Variants in VWC2L observed in about 807,000 individuals in gnomAD.
The protein encoded by VWC2L is von Willebrand factor C domain containing 2 like, also known as von Willebrand factor C domain-containing protein 2-like.
Under a neutral mutation model 21.6 loss-of-function variants are expected in VWC2L, and 10 were observed. The ratio of observed to expected loss-of-function variants is 0.46; its 90% CI spans 0.29 to 0.78. VWC2L has a LOEUF of 0.78. Ranked by LOEUF, VWC2L falls within the 30% of genes least tolerant of loss-of-function variation. The pLI, the probability that VWC2L is intolerant of heterozygous loss-of-function variation, is 0.10. For synonymous variants in VWC2L, 96 were observed against 94.3 expected (o/e 1.02, Z -0.10); for missense variants, 209 against 277.1 (o/e 0.75, Z 1.74).
rs144074733 is a variant in VWC2L, at chr2:214,565,001, C to T, written c.521-10671C>T. ...ACAAATATGCACCAAAGTTTGTCTACATTTGTTTTACTAAAATAGGATCCT... is the reference window on the plus strand; with the variant it reads ...ACAAATATGCACCAAAGTTTGTCTATATTTGTTTTACTAAAATAGGATCCT... On this transcript the variant is annotated intron_variant, in intron 3 of 3. Transcript: ENST00000312504. 3.7e-4 allele frequency among the ~76,000 whole-genome samples: 56 copies of T among 152,220 alleles called. 2 individuals carry two copies. The East Asian group carries it at 9.1e-3, about 25-fold the overall frequency.
intron 3 of VWC2L, among the ~76,000 whole-genome samples, chr2:214,483,663 A>T (rs1467795887): frequency 6.6e-6 from 1 of 152,180 alleles, no homozygotes; most frequent in African/African-American, 2.4e-5. Flanking sequence ...GCTAATTAGA[A>T]CAAAAATAAC....
chr2:214,573,834 G>T (rs948039652), intron 3 of VWC2L, among the ~76,000 whole-genome samples: 2 of 152,140 alleles, frequency 1.3e-5, no homozygotes, highest in Admixed American at 6.5e-5. Context: ...ATGGCCAGTG[G>T]CTTAGAATCA....
intron 3 of VWC2L, among the ~76,000 whole-genome samples, chr2:214,570,014 A>G (rs905966840): frequency 6.6e-6 from 1 of 152,188 alleles, no homozygotes; most frequent in Non-Finnish European, 1.5e-5. Context: ...AATACCACAA[A>G]TATGACAGAG....
chr2:214,517,152 T>A (rs771085123), intron 3 of VWC2L, among the ~76,000 whole-genome samples: 15 of 152,252 alleles, frequency 9.9e-5, no homozygotes, highest in Non-Finnish European at 1.9e-4. Context: ...TTTGCTCTCA[T>A]CTTCTGTGTC....
intron 3 of VWC2L, among the ~76,000 whole-genome samples, chr2:214,544,169 A>T (rs372449473): frequency 6.6e-6 from 1 of 152,176 alleles, no homozygotes; most frequent in Non-Finnish European, 1.5e-5. Context: ...TGTGTTTGTG[A>T]AAAGGGGAAA....
intron 3 of VWC2L, among the ~76,000 whole-genome samples, chr2:214,461,478 T>A (rs932250762): frequency 6.6e-6 from 1 of 151,908 alleles, no homozygotes; most frequent in African/African-American, 2.4e-5. Flanking sequence ...GCAGGCTGGG[T>A]GACGCTAACC....
At chr2:214,490,458 T>G (rs1276139611) in intron 3 of VWC2L, among the ~76,000 whole-genome samples, 1 of 152,054 alleles carries the variant, frequency 6.6e-6, no homozygotes, top group East Asian at 1.9e-4. Context: ...CAAAGTCACA[T>G]TGAAGCATAT....
intron 3 of VWC2L, among the ~76,000 whole-genome samples, chr2:214,476,782 C>T (rs565215310): frequency 5.5e-4 from 84 of 152,308 alleles, no homozygotes; most frequent in African/African-American, 1.9e-3. Flanking sequence ...TTCTCTCTCT[C>T]TCCTCTCTCT....
At chr2:214,446,098 CTTAAT>C (rs1172505074) in intron 3 of VWC2L, among the ~76,000 whole-genome samples, 2 of 152,270 alleles carry the variant, frequency 1.3e-5, no homozygotes, top group East Asian at 1.9e-4. Flanking sequence ...AATTGTCCAC[CTTAAT>C]TTAATATGTT....
chr2:214,575,923 A>C lies in VWC2L; in HGVS notation c.*103A>C. ...AAACAAACAAACTCCTGCCAGCTAC[A>C]ACAGGGTCACCAGCAAAACTTTCTA... On this transcript the variant is annotated 3_prime_UTR_variant, in exon 4 of 4. Transcript: ENST00000312504. The C allele has an allele frequency of 7.3e-7, 1 of 1,371,176 alleles. No individual in the cohort carries two copies. Among genetic ancestry groups the C allele is most frequent in the Non-Finnish European group, 9.8e-7 (1 of 1,015,676 alleles). 84.9% of individuals were successfully genotyped at this position (1,371,176 alleles called of 1,614,324 possible).
intron 2 of VWC2L, among the ~76,000 whole-genome samples, chr2:214,426,481 A>G (rs1702526188): frequency 6.6e-6 from 1 of 152,220 alleles, no homozygotes; most frequent in African/African-American, 2.4e-5. Context: ...AGAAGCAACA[A>G]AACTAGATTT....
chr2:214,562,115 T>C (rs759174112), intron 3 of VWC2L, among the ~76,000 whole-genome samples: 2 of 151,958 alleles, frequency 1.3e-5, no homozygotes, highest in Admixed American at 1.3e-4. Context: ...TTAAGCCCAG[T>C]ATTTATTAGC....
chr2:214,485,840 G>C (rs1014554038), intron 3 of VWC2L, among the ~76,000 whole-genome samples: 1 of 152,106 alleles, frequency 6.6e-6, no homozygotes, highest in East Asian at 1.9e-4. Context: ...TCTCCAAAAT[G>C]AAGTAAATTG....
At chr2:214,458,984 T>G (rs1559296847) in intron 3 of VWC2L, among the ~76,000 whole-genome samples, 2 of 152,194 alleles carry the variant, frequency 1.3e-5, no homozygotes, top group African/African-American at 4.8e-5. Context: ...TGATTTTCTG[T>G]GTAGTTGATG....
chr2:214,543,149 T>C (rs1051584142), intron 3 of VWC2L, among the ~76,000 whole-genome samples: 12 of 152,194 alleles, frequency 7.9e-5, no homozygotes, highest in Non-Finnish European at 1.2e-4. Context: ...GACTTCTAAG[T>C]TTGAGTACTA....
intron 3 of VWC2L, among the ~76,000 whole-genome samples, chr2:214,524,631 C>G (rs926821927): frequency 6.6e-6 from 1 of 152,182 alleles, no homozygotes; most frequent in East Asian, 1.9e-4. Flanking sequence ...GATACAGTGG[C>G]AAGTGAGAGC....
intron 3 of VWC2L, among the ~76,000 whole-genome samples, chr2:214,447,244 G>C (rs1424475330): frequency 6.6e-6 from 1 of 152,110 alleles, no homozygotes; most frequent in African/African-American, 2.4e-5. Context: ...GGCTACGGGA[G>C]AGCCTCATTG....
intron 2 of VWC2L, among the ~76,000 whole-genome samples, chr2:214,415,935 A>G (rs976921058): frequency 2.0e-5 from 3 of 152,146 alleles, no homozygotes; most frequent in Non-Finnish European, 4.4e-5. Flanking sequence ...AGTTGAGAGT[A>G]GAGTACATTT....
intron 3 of VWC2L, among the ~76,000 whole-genome samples, chr2:214,497,494 C>T (rs1391048038): frequency 6.6e-6 from 1 of 152,198 alleles, no homozygotes; most frequent in Non-Finnish European, 1.5e-5. Flanking sequence ...TTCATAGGTA[C>T]ACAAGTATTA....
Sources: allele counts gnomAD v4.1 joint callset (sites outside exome capture counted in the v4.1 genomes callset), GRCh38; gene constraint gnomAD v4.1.1; transcripts MANE v1.5; gene names NCBI Gene and HGNC (gene_info 2026-07-23, HGNC 2026-07-21).